EDN1: variants seen among roughly 807,000 people sequenced by gnomAD.
The protein encoded by EDN1 is endothelin 1.
A neutral mutation model predicts 21.7 loss-of-function variants in EDN1; 11 were observed. That is an observed-to-expected ratio of 0.51 (90% confidence interval 0.32 to 0.84). The LOEUF is 0.84. Among genes scored for constraint, EDN1 ranks in the 40% least tolerant of loss-of-function variants. The pLI, the probability that EDN1 is intolerant of heterozygous loss-of-function variation, is 0.03. For missense variants in EDN1, 244 were observed against 262.3 expected (o/e 0.93, Z 0.48); for synonymous variants, 85 against 90.6 (o/e 0.94, Z 0.35).
the EDN1 span, among the ~76,000 whole-genome samples, chr6:12,277,379 T>A: frequency 1.3e-5 from 2 of 152,198 alleles, no homozygotes; most frequent in Non-Finnish European, 2.9e-5. Flanking sequence ...CAGGTACTGT[T>A]CTATGTCGCC....
At chr6:12,274,014 C>G in the EDN1 span, among the ~76,000 whole-genome samples, 3 of 152,156 alleles carry the variant, frequency 2.0e-5, no homozygotes, top group African/African-American at 7.2e-5. Context: ...TCCACGTCAT[C>G]TGGAAGAAAT....
the EDN1 span, among the ~76,000 whole-genome samples, chr6:12,241,771 G>A: frequency 6.6e-6 from 1 of 152,156 alleles, no homozygotes; most frequent in Non-Finnish European, 1.5e-5. Context: ...CTCAATCATT[G>A]TTTCCAGTCT....
At chr6:12,268,815 T>C in the EDN1 span, among the ~76,000 whole-genome samples, 1 of 152,188 alleles carries the variant, frequency 6.6e-6, no homozygotes, top group Admixed American at 6.5e-5. Context: ...TCTGGTTTCA[T>C]ATGAATTTTA....
the EDN1 span, among the ~76,000 whole-genome samples, chr6:12,248,771 G>A: frequency 6.6e-6 from 1 of 152,168 alleles, no homozygotes; most frequent in African/African-American, 2.4e-5. Flanking sequence ...ACAAAACAAG[G>A]TTTCTAAAGT....
At position 12,294,314 on chromosome 6, in the gene EDN1, G is replaced by A. The variant is rs771602064; in HGVS notation, c.443G>A (p.Cys148Tyr). The part of the protein sequence containing the change: ...DWNNHKKGKD[C>Y]SKLGKKCIYQ... ...AATAATCATAAGAAAGGAAAAGACT[G>A]TTCCAAGCTTGGGAAAAAGTGTATT... Residue 148 changes from cysteine to tyrosine, a missense_variant, in exon 4 of 5, where the codon TGT becomes TAT. Physicochemically the swap from Cys to Tyr is radical, Grantham distance 194. Transcript: ENST00000379375. 3.1e-6 allele frequency: 5 copies of A among 1,614,036 alleles called. No individual in the cohort carries two copies. The highest frequency in any genetic ancestry group is 1.3e-5 in the African/African-American group (1 of 74,914).
At chr6:12,284,648 G>A in the EDN1 span, among the ~76,000 whole-genome samples, 1 of 145,768 alleles carries the variant, frequency 6.9e-6, no homozygotes, top group African/African-American at 2.5e-5. Flanking sequence ...GAAAGAAAAA[G>A]AAAGGGAGAA....
At chr6:12,294,655 G>A (rs1437850130) in intron 4 of EDN1, among the ~76,000 whole-genome samples, 1 of 152,166 alleles carries the variant, frequency 6.6e-6, no homozygotes, top group Non-Finnish European at 1.5e-5. Context: ...TTCATCTACA[G>A]GTAGATTTCC....
rs1762814480 is a variant in EDN1, at chr6:12,296,020, A to G, written c.592A>G (p.Lys198Glu). The stretch of plus-strand genomic sequence containing the variant: ...TTTTCATGATCCCAAGCTGAAAGGC[A>G]AGCCCTCCAGAGAGCGTTATGTGAC... ...SSFHDPKLKG[K>E]PSRERYVTHN... Residue 198 changes from lysine (K) to glutamate (E), a missense_variant, in exon 5 of 5, where the codon AAG (lysine) becomes GAG (glutamate). Physicochemically the swap from Lys to Glu is moderately conservative, Grantham distance 56. Transcript: ENST00000379375. 6.2e-7 allele frequency: 1 copy of G among 1,613,990 alleles called. No individual in the cohort carries two copies. Among genetic ancestry groups the G allele is most frequent in the Admixed American group, 1.7e-5 (1 of 59,996 alleles).
the EDN1 span, among the ~76,000 whole-genome samples, chr6:12,247,687 C>T: frequency 6.6e-6 from 1 of 151,560 alleles, no homozygotes; most frequent in Non-Finnish European, 1.5e-5. Flanking sequence ...TACAGACATG[C>T]GCCACCACGC....
chr6:12,252,393 C>T, the EDN1 span, among the ~76,000 whole-genome samples: 1 of 152,176 alleles, frequency 6.6e-6, no homozygotes, highest in Non-Finnish European at 1.5e-5. Flanking sequence ...GCTTTTGTTT[C>T]ATACAAAACA....
chr6:12,240,842 G>A, the EDN1 span, among the ~76,000 whole-genome samples: 3 of 152,158 alleles, frequency 2.0e-5, no homozygotes, highest in Non-Finnish European at 2.9e-5. Context: ...GTCTTTAATG[G>A]GAGATCATGT....
At position 12,296,764 on chromosome 6, in the gene EDN1, C is replaced by A. The variant is rs1762837194; in HGVS notation, c.*697C>A. On this transcript the variant is annotated 3_prime_UTR_variant, in exon 5 of 5. Coordinates refer to ENST00000379375, the MANE Select transcript of EDN1 (RefSeq NM_001955.5). Reference sequence around the variant, plus strand: ...TACTAAATCCTAGCCTCGTAGAAGTCTGGTCTAATGTGTCAGCAGTAGATA... The same window carrying A: ...TACTAAATCCTAGCCTCGTAGAAGTATGGTCTAATGTGTCAGCAGTAGATA... 1 of 152,642 alleles carries A rather than the reference C, an allele frequency of 6.6e-6. No homozygotes were observed. The highest frequency in any genetic ancestry group is 1.5e-5 in the Non-Finnish European group (1 of 68,464). 9.5% of individuals were successfully genotyped at this position (152,642 alleles called of 1,614,324 possible).
the EDN1 span, among the ~76,000 whole-genome samples, chr6:12,263,215 T>C: frequency 6.6e-5 from 10 of 152,364 alleles, no homozygotes; most frequent in African/African-American, 9.6e-5. Context: ...CAAATACTTT[T>C]AAGCCAGCTT....
At chr6:12,293,832 G>A (rs1215029478) in intron 2 of EDN1, 109 bp from the exon 3 acceptor site, 2 of 1,249,268 alleles carry the variant, frequency 1.6e-6, no homozygotes, top group Admixed American at 1.9e-5. Flanking sequence ...ATGCTCCCAA[G>A]TGCTATGTGA....
chr6:12,244,077 G>A, the EDN1 span, among the ~76,000 whole-genome samples: 1 of 151,898 alleles, frequency 6.6e-6, no homozygotes, highest in South Asian at 2.1e-4. Flanking sequence ...ATCCCAGGAA[G>A]CTTTCATTTG....
upstream of EDN1, among the ~76,000 whole-genome samples, chr6:12,285,665 G>A (rs1202538030): frequency 1.3e-5 from 2 of 152,094 alleles, no homozygotes; most frequent in African/African-American, 2.4e-5. Flanking sequence ...TCTGCCTCCC[G>A]GGTTCAATGA....
At chr6:12,278,587 A>G in the EDN1 span, among the ~76,000 whole-genome samples, 1 of 152,128 alleles carries the variant, frequency 6.6e-6, no homozygotes, top group Non-Finnish European at 1.5e-5. Flanking sequence ...TACATTTAAA[A>G]ATCTCTTGCA....
the EDN1 span, among the ~76,000 whole-genome samples, chr6:12,243,093 G>A: frequency 2.6e-5 from 4 of 152,136 alleles, no homozygotes; most frequent in African/African-American, 9.7e-5. Context: ...AAACCTTAGT[G>A]ATAACATAAA....
the EDN1 span, among the ~76,000 whole-genome samples, chr6:12,266,408 C>T: frequency 1.3e-5 from 2 of 152,162 alleles, no homozygotes; most frequent in Admixed American, 1.3e-4. Flanking sequence ...GAGGGAAGAA[C>T]ACAGTGGGAC....
Sources: gnomAD v4.1 joint callset for allele counts (sites outside exome capture counted in the v4.1 genomes callset) on GRCh38, gnomAD v4.1.1 for gene constraint, MANE v1.5 for transcripts, NCBI Gene and HGNC (gene_info 2026-07-23, HGNC 2026-07-21) for gene names.